TMEM161B: variants seen among roughly 807,000 people sequenced by gnomAD.
TMEM161B encodes transmembrane protein 161B.
In TMEM161B, 34 loss-of-function variants were observed where a neutral mutation model predicts 61.8. The ratio of observed to expected loss-of-function variants is 0.55; its 90% CI spans 0.42 to 0.73. The LOEUF is 0.73. TMEM161B is among the 30% of genes least tolerant of loss of function. The pLI, the probability that TMEM161B is intolerant of heterozygous loss-of-function variation, is 0.00. For missense variants in TMEM161B, 456 were observed against 558.5 expected, an observed-to-expected ratio of 0.82 and a Z score of 1.85; for synonymous variants, 167 against 192.8, an observed-to-expected ratio of 0.87 and a Z score of 1.11.
At chr5:88,216,069 A>C (rs946419221) in intron 5 of TMEM161B, among the ~76,000 whole-genome samples, 1 of 152,126 alleles carries the variant, frequency 6.6e-6, no homozygotes, top group Non-Finnish European at 1.5e-5. Context: ...ATTAGCCTGG[A>C]CAGCATAGTG....
chr5:88,187,683 A>T (rs1329234275), downstream of TMEM161B, among the ~76,000 whole-genome samples: 1 of 152,044 alleles, frequency 6.6e-6, no homozygotes, highest in African/African-American at 2.4e-5. Flanking sequence ...ATTAGCATTG[A>T]TATGGGTTAC....
chr5:88,203,918 T>G (rs1226093551), intron 8 of TMEM161B, among the ~76,000 whole-genome samples: 1 of 150,814 alleles, frequency 6.6e-6, no homozygotes. Flanking sequence ...CCTACAGAGA[T>G]AGATGGCTGA....
intron 2 of TMEM161B, among the ~76,000 whole-genome samples, chr5:88,229,895 T>C (rs1561374212): frequency 6.6e-6 from 1 of 151,714 alleles, no homozygotes; most frequent in Non-Finnish European, 1.5e-5. Flanking sequence ...CTCTTTGATT[T>C]GCTGTTTTAA....
At chr5:88,198,195 A>G (rs1410147948) in intron 10 of TMEM161B, 1 of 152,470 alleles carries the variant, frequency 6.6e-6, no homozygotes, top group East Asian at 1.9e-4. Flanking sequence ...TTCTACATGA[A>G]CATATTTGAA....
intron 2 of TMEM161B, among the ~76,000 whole-genome samples, chr5:88,239,706 T>C (rs1580622824): frequency 6.6e-6 from 1 of 151,920 alleles, no homozygotes; most frequent in Admixed American, 6.6e-5. Context: ...TATTTTTCAA[T>C]ATTAAACATC....
chr5:88,268,685 C>T, intron 1 of TMEM161B, 36 bp downstream of exon 1: 1 of 1,614,084 alleles, frequency 6.2e-7, no homozygotes, highest in East Asian at 2.2e-5. Context: ...CTTTTCGCCC[C>T]ACCGTTGTCA....
chr5:88,202,973 T>G lies in TMEM161B; in HGVS notation c.903A>C (p.Glu301Asp). The change falls in exon 9 of 12, where the codon GAA becomes GAC. Residue 301 changes from glutamate (E) to aspartate (D), a missense_variant. Physicochemically the swap from Glu to Asp is conservative, Grantham distance 45 (BLOSUM62 2). Transcript: ENST00000296595. Reference protein sequence around the residue: ...DYIMNPPLGKESIPLMTEATF... With the variant: ...DYIMNPPLGKDSIPLMTEATF... ...ATGCCCATACTTACAAAGGGATACT[T>G]TCTTTGCCCAGTGGTGGGTTCATAA... 2 of 1,607,720 alleles carry G rather than the reference T, an allele frequency of 1.2e-6. No homozygotes were observed. The highest frequency in any genetic ancestry group is 1.7e-6 in the Non-Finnish European group (2 of 1,174,420).
intron 5 of TMEM161B, among the ~76,000 whole-genome samples, chr5:88,210,655 CAT>C (rs763727325): frequency 4.6e-5 from 7 of 152,156 alleles, no homozygotes; most frequent in Non-Finnish European, 1.0e-4. Flanking sequence ...ACCTTGGAAA[CAT>C]GTGTAGCAGT....
At chr5:88,219,364 G>C (rs1748497304) in intron 5 of TMEM161B, among the ~76,000 whole-genome samples, 1 of 152,120 alleles carries the variant, frequency 6.6e-6, no homozygotes, top group Admixed American at 6.6e-5. Flanking sequence ...GAATGGCCTT[G>C]AAAGTACATA....
chr5:88,260,261 T>C (rs1046734259), intron 1 of TMEM161B, among the ~76,000 whole-genome samples: 11 of 152,326 alleles, frequency 7.2e-5, no homozygotes, highest in African/African-American at 2.6e-4. Flanking sequence ...TTGAATTCCA[T>C]AGAAACTGAA....
chr5:88,211,734 G>C (rs927144877), intron 5 of TMEM161B, among the ~76,000 whole-genome samples: 3 of 147,928 alleles, frequency 2.0e-5, no homozygotes, highest in Non-Finnish European at 1.5e-5. Context: ...TCGCACCACT[G>C]CATGCCAGCC....
At chr5:88,248,551 G>C (rs1042546480) in intron 1 of TMEM161B, among the ~76,000 whole-genome samples, 1 of 151,918 alleles carries the variant, frequency 6.6e-6, no homozygotes, top group East Asian at 1.9e-4. Context: ...TACAATTCTT[G>C]CGGTTCCATG....
chr5:88,235,329 T>C (rs1416204827), intron 2 of TMEM161B, among the ~76,000 whole-genome samples: 2 of 152,180 alleles, frequency 1.3e-5, no homozygotes, highest in African/African-American at 4.8e-5. Flanking sequence ...CTTTAATACA[T>C]AATCATATAA....
At chr5:88,206,610 T>C (rs910355755) in intron 6 of TMEM161B, 111 bp from the exon 7 acceptor site, 2 of 1,092,562 alleles carry the variant, frequency 1.8e-6, no homozygotes, top group Admixed American at 2.8e-5. Flanking sequence ...AATTTTGAAG[T>C]GACTAGCTTA....
chr5:88,198,363 C>G (rs1346253354), intron 10 of TMEM161B: 1 of 152,016 alleles, frequency 6.6e-6, no homozygotes, highest in Non-Finnish European at 1.5e-5. Flanking sequence ...GGAGGTGATG[C>G]AGGAGGATTA....
At chr5:88,235,457 G>A (rs1001752025) in intron 2 of TMEM161B, among the ~76,000 whole-genome samples, 14 of 152,134 alleles carry the variant, frequency 9.2e-5, no homozygotes, top group Admixed American at 8.5e-4. Context: ...ATCTGGAGGT[G>A]GGAACTTTCA....
chr5:88,251,432 G>C (rs1307079495), intron 1 of TMEM161B, among the ~76,000 whole-genome samples: 1 of 152,014 alleles, frequency 6.6e-6, no homozygotes, highest in Non-Finnish European at 1.5e-5. Flanking sequence ...TTCTAATCTT[G>C]CGGTCTTTCA....
chr5:88,231,380 G>A (rs1750957826), intron 2 of TMEM161B, among the ~76,000 whole-genome samples: 1 of 152,138 alleles, frequency 6.6e-6, no homozygotes, highest in African/African-American at 2.4e-5. Flanking sequence ...AACCTGTGGG[G>A]TCTGTACTAA....
chr5:88,228,528 A>C lies in TMEM161B; in HGVS notation c.108T>G (p.Ser36Arg), dbSNP rs201363995. 3.8e-6 allele frequency: 6 copies of C among 1,588,694 alleles called. No homozygotes were observed. In the South Asian group the frequency reaches 7.1e-5, roughly 19 times the overall value. The part of the protein sequence containing the change: ...SLARWLLCNG[S>R]LRWYQHPTEE... ...CTGTAGGATGTTGATACCACCTCAA[A>C]CTAAGCAAAAAAAGAATTCTTTTAA... The change falls in exon 3 of 12, where the codon AGT (serine) becomes AGG (arginine). Residue 36 changes from serine to arginine, a missense_variant and splice_region_variant. Physicochemically the swap from Ser to Arg is moderately radical, Grantham distance 110. This residue lies in a region of TMEM161B where 85 missense variants were observed against 111.2 expected (regional missense o/e 0.76). Coordinates refer to ENST00000296595, the MANE Select transcript of TMEM161B (RefSeq NM_153354.5).
Sources: allele counts gnomAD v4.1 joint callset (sites outside exome capture counted in the v4.1 genomes callset), GRCh38; gene constraint gnomAD v4.1.1; regional missense constraint gnomAD v4.1.1; transcripts MANE v1.5; gene names NCBI Gene and HGNC (gene_info 2026-07-23, HGNC 2026-07-21).